DCDC2C: variants seen among roughly 807,000 people sequenced by gnomAD.
The protein encoded by DCDC2C is doublecortin domain containing 2C.
A neutral mutation model predicts 45.0 loss-of-function variants in DCDC2C; 44 were observed. The observed-to-expected ratio is 0.98, with a 90% CI of 0.77 to 1.26. The LOEUF (loss-of-function observed/expected upper bound fraction) is 1.26. DCDC2C is among the 50% of genes most tolerant of loss of function. The probability of loss-of-function intolerance (pLI) is 0.00; values close to 1 mark genes in which losing one functional copy is unlikely to be tolerated. For synonymous variants in DCDC2C, 187 were observed against 178.8 expected, an observed-to-expected ratio of 1.05 and a Z score of -0.37; for missense variants, 447 against 468.9, an observed-to-expected ratio of 0.95 and a Z score of 0.43.
rs114899341 is a variant in DCDC2C, at chr2:3,755,423, G to A, written c.726+789G>A. 5.7e-3 allele frequency among the ~76,000 whole-genome samples: 861 copies of A among 152,192 alleles called. 7 individuals are homozygous for A. Among genetic ancestry groups the A allele is most frequent in the African/African-American group, 0.02 (828 of 41,500 alleles). On this transcript the variant is annotated intron_variant, in intron 6 of 10. Transcript: ENST00000399143. ...TATGTATGTATTTAAATACATGTGT[G>A]TATGGAGGCATGCATGTGTATGTAT...
chr2:3,827,503 C>T (rs1457387405), intron 10 of DCDC2C, among the ~76,000 whole-genome samples: 2 of 152,108 alleles, frequency 1.3e-5, no homozygotes, highest in African/African-American at 4.8e-5. Context: ...TACTTGGGAC[C>T]CATCATACAT....
Position 3,748,305 on chromosome 2 carries a change from G to A in DCDC2C, c.546-4458G>A, listed in dbSNP as rs375546047. 4.9e-5 allele frequency among the ~76,000 whole-genome samples: 7 copies of A among 142,968 alleles called. No individual in the cohort carries two copies. In the East Asian group the frequency reaches 9.5e-4, roughly 19 times the overall value. 93.8% of individuals were successfully genotyped at this position (142,968 alleles called of 152,430 possible). ...GCAGGCAGGTTTTGGCTGCATTACT[G>A]TATGCAGTGGGACTTGCTGATCAAC... On this transcript the variant is annotated intron_variant, in intron 4 of 10. Transcript: ENST00000399143.
chr2:3,707,503 G>A (rs1668095387), intron 1 of DCDC2C, among the ~76,000 whole-genome samples: 1 of 152,194 alleles, frequency 6.6e-6, no homozygotes, highest in South Asian at 2.1e-4. Flanking sequence ...GCCATGTTTT[G>A]TTCAGTTCAT....
intron 10 of DCDC2C, among the ~76,000 whole-genome samples, chr2:3,820,790 AGT>A (rs1307585583): frequency 6.6e-6 from 1 of 152,050 alleles, no homozygotes; most frequent in Non-Finnish European, 1.5e-5. Flanking sequence ...TGGAGAAGAG[AGT>A]GAAAAGACTG....
chr2:3,813,826 C>T (rs1328979505), intron 10 of DCDC2C, among the ~76,000 whole-genome samples: 4 of 148,678 alleles, frequency 2.7e-5, no homozygotes, highest in Non-Finnish European at 5.9e-5. Flanking sequence ...TGAGATAGGT[C>T]TCCTTAATAC....
chr2:3,753,901 A>G (rs1669613488), intron 5 of DCDC2C, among the ~76,000 whole-genome samples: 1 of 152,168 alleles, frequency 6.6e-6, no homozygotes, highest in Non-Finnish European at 1.5e-5. Flanking sequence ...TCCCACCTGT[A>G]TGCCTGGCAC....
chr2:3,818,852 T>C lies in DCDC2C; in HGVS notation c.1066-28302T>C, dbSNP rs2313465. 0.6 allele frequency among the ~76,000 whole-genome samples: 90,878 copies of C among 151,876 alleles called. 27,783 individuals are homozygous for C. The highest frequency in any genetic ancestry group is 0.73 in the East Asian group (3,767 of 5,154). ...TGTAGCCCAGGAATAGTCAGGGAAG[T>C]AGATAATTTAGTTAAAATGTTTCAG... On this transcript the variant is annotated intron_variant, in intron 10 of 10. Coordinates refer to ENST00000399143, the MANE Select transcript of DCDC2C (RefSeq NM_001287444.2). The surrounding 1 kb of genome is among the most constrained non-coding windows in gnomAD (Gnocchi z 4.7).
intron 10 of DCDC2C, among the ~76,000 whole-genome samples, chr2:3,791,961 G>A (rs1396832309): frequency 6.6e-6 from 1 of 150,938 alleles, no homozygotes; most frequent in African/African-American, 2.4e-5. Flanking sequence ...CAATTCCTCA[G>A]TAGCCTTTGG....
intron 10 of DCDC2C, among the ~76,000 whole-genome samples, chr2:3,828,076 A>G (rs1671869507): frequency 6.6e-6 from 1 of 152,184 alleles, no homozygotes; most frequent in Non-Finnish European, 1.5e-5. Flanking sequence ...AAGTCTGCAG[A>G]CTTTTATTGA....
At chr2:3,755,767 T>G (rs971698710) in intron 6 of DCDC2C, among the ~76,000 whole-genome samples, 13 of 152,076 alleles carry the variant, frequency 8.5e-5, no homozygotes, top group Admixed American at 6.5e-5. Flanking sequence ...TGTTGGTGTA[T>G]AAATACATAT....
chr2:3,812,532 C>T (rs186713716), intron 10 of DCDC2C, among the ~76,000 whole-genome samples: 3 of 152,206 alleles, frequency 2.0e-5, no homozygotes, highest in South Asian at 2.1e-4. Context: ...AAAAAACCGG[C>T]TCCTGGATTC....
chr2:3,748,158 G>C (rs1468276324), intron 4 of DCDC2C, among the ~76,000 whole-genome samples: 1 of 152,116 alleles, frequency 6.6e-6, no homozygotes, highest in Non-Finnish European at 1.5e-5. Context: ...AGTGAGTGTG[G>C]TGGGAATCCA....
chr2:3,777,857 C>G (rs574028233), intron 8 of DCDC2C, among the ~76,000 whole-genome samples: 23 of 152,378 alleles, frequency 1.5e-4, no homozygotes, highest in African/African-American at 5.5e-4. Flanking sequence ...TCTGGTCACA[C>G]AGTGAGAATT....
intron 8 of DCDC2C, among the ~76,000 whole-genome samples, chr2:3,776,654 G>T (rs1352595030): frequency 1.3e-5 from 2 of 152,054 alleles, no homozygotes; most frequent in African/African-American, 4.8e-5. Flanking sequence ...TGAGGGGTAG[G>T]GCATCTTCTC....
chr2:3,773,893 G>A (rs1447836490), intron 8 of DCDC2C, among the ~76,000 whole-genome samples: 1 of 152,210 alleles, frequency 6.6e-6, no homozygotes, highest in Non-Finnish European at 1.5e-5. Context: ...AAAGGATTGG[G>A]TCCATTTCTA....
intron 10 of DCDC2C, among the ~76,000 whole-genome samples, chr2:3,800,012 T>C (rs1260549368): frequency 6.6e-6 from 1 of 152,166 alleles, no homozygotes; most frequent in Non-Finnish European, 1.5e-5. Context: ...GTGCTAGCAA[T>C]CAGCAAGACT....
intron 10 of DCDC2C, among the ~76,000 whole-genome samples, chr2:3,822,561 C>A (rs62107608): frequency 3.4e-5 from 5 of 146,108 alleles, no homozygotes; most frequent in Admixed American, 2.0e-4. Flanking sequence ...TTTTTTTTTC[C>A]AAAAATCTAG....
At chr2:3,820,504 G>GCC (rs1671661721) in intron 10 of DCDC2C, among the ~76,000 whole-genome samples, 1 of 152,150 alleles carries the variant, frequency 6.6e-6, no homozygotes, top group African/African-American at 2.4e-5. Context: ...GTGGGTGAAT[G>GCC]ACCAAGGCAG....
At chr2:3,773,251 T>G (rs1214271261) in intron 8 of DCDC2C, among the ~76,000 whole-genome samples, 1 of 152,218 alleles carries the variant, frequency 6.6e-6, no homozygotes, top group African/African-American at 2.4e-5. Flanking sequence ...ACCCCCTGTT[T>G]TTTTTCCCTC....
Sources: gnomAD v4.1 joint callset for allele counts (sites outside exome capture counted in the v4.1 genomes callset) on GRCh38, gnomAD v4.1.1 for gene constraint, Gnocchi (gnomAD v3.1) non-coding constraint, MANE v1.5 for transcripts, NCBI Gene and HGNC (gene_info 2026-07-23, HGNC 2026-07-21) for gene names.